DTNB: variants seen among roughly 807,000 people sequenced by gnomAD.
DTNB encodes dystrobrevin beta, also known as DTN-B.
In DTNB, 63 loss-of-function variants were observed where a neutral mutation model predicts 90.7. The ratio of observed to expected loss-of-function variants is 0.69; its 90% CI spans 0.57 to 0.86. The LOEUF (loss-of-function observed/expected upper bound fraction) is 0.86. Ranked by LOEUF, DTNB falls within the 40% of genes least tolerant of loss-of-function variation. DTNB has a pLI of 0.00. For synonymous variants in DTNB, 277 were observed against 286.7 expected (o/e 0.97, Z 0.34); for missense variants, 744 against 807.1 (o/e 0.92, Z 0.95).
chr2:25,475,843 C>T (rs754515825), intron 10 of DTNB, among the ~76,000 whole-genome samples: 2 of 152,080 alleles, frequency 1.3e-5, no homozygotes, highest in Admixed American at 6.5e-5. Context: ...GAATAAAGCC[C>T]GGATGACAGC....
At chr2:25,522,690 C>A (rs1383122705) in intron 9 of DTNB, among the ~76,000 whole-genome samples, 1 of 149,116 alleles carries the variant, frequency 6.7e-6, no homozygotes, top group Non-Finnish European at 1.5e-5. Context: ...TACAGAAAGG[C>A]AAACTGAGGT....
intron 12 of DTNB, among the ~76,000 whole-genome samples, chr2:25,446,506 T>C (rs570522365): frequency 1.2e-4 from 18 of 152,314 alleles, no homozygotes; most frequent in African/African-American, 4.3e-4. Context: ...TCTGCCCACC[T>C]TGGCCTCCCA....
At chr2:25,561,925 C>A (rs1030039194) in intron 8 of DTNB, among the ~76,000 whole-genome samples, 2 of 152,130 alleles carry the variant, frequency 1.3e-5, no homozygotes, top group Non-Finnish European at 2.9e-5. Flanking sequence ...TATTCATATG[C>A]CATAAAATTC....
At chr2:25,455,638 T>C (rs2059911566) in intron 10 of DTNB, 144 bp from the exon 11 acceptor site, 2 of 666,734 alleles carry the variant, frequency 3.0e-6, no homozygotes, top group Admixed American at 2.8e-5. Flanking sequence ...AAACCCACAA[T>C]GCATAATGGA....
chr2:25,654,210 C>T (rs2081608469), intron 1 of DTNB, among the ~76,000 whole-genome samples: 1 of 152,214 alleles, frequency 6.6e-6, no homozygotes, highest in Non-Finnish European at 1.5e-5. Context: ...AATATAACTC[C>T]CTGCTCACAA....
intron 3 of DTNB, among the ~76,000 whole-genome samples, chr2:25,630,681 C>T (rs1044656155): frequency 1.3e-5 from 2 of 151,794 alleles, no homozygotes; most frequent in Non-Finnish European, 2.9e-5. Context: ...CCCATCTCTA[C>T]TAAAAATACA....
intron 9 of DTNB, among the ~76,000 whole-genome samples, chr2:25,507,590 T>C (rs959017779): frequency 1.3e-5 from 2 of 152,202 alleles, no homozygotes; most frequent in Non-Finnish European, 2.9e-5. Flanking sequence ...TCACCTCTTA[T>C]TACCTCTACT....
chr2:25,663,490 A>G (rs891646576), intron 1 of DTNB, among the ~76,000 whole-genome samples: 3 of 152,178 alleles, frequency 2.0e-5, no homozygotes, highest in Non-Finnish European at 4.4e-5. Flanking sequence ...TCCCCACACC[A>G]TCTTCCACAA....
chr2:25,623,183 T>C (rs959060518), intron 4 of DTNB, among the ~76,000 whole-genome samples: 1 of 152,144 alleles, frequency 6.6e-6, no homozygotes, highest in African/African-American at 2.4e-5. Flanking sequence ...CAACTCTTCC[T>C]CTGAGCAAAA....
chr2:25,531,452 C>A (rs2078159384), intron 9 of DTNB, 21 bp downstream of exon 9: 1 of 1,600,862 alleles, frequency 6.2e-7, no homozygotes. Flanking sequence ...GATCCACATG[C>A]ACATCCAGGG....
intron 6 of DTNB, among the ~76,000 whole-genome samples, chr2:25,591,244 T>C (rs2063518199): frequency 6.6e-6 from 1 of 152,216 alleles, no homozygotes. Context: ...ATGCCTGGTC[T>C]GCAGCCATGG....
chr2:25,453,873 C>A (rs767278087), intron 11 of DTNB, among the ~76,000 whole-genome samples: 3 of 152,136 alleles, frequency 2.0e-5, no homozygotes, highest in Admixed American at 2.0e-4. Flanking sequence ...CTCAGCCGGG[C>A]GTAGTGGCTC....
intron 9 of DTNB, among the ~76,000 whole-genome samples, chr2:25,493,371 C>G (rs189912440): frequency 6.6e-6 from 1 of 152,326 alleles, no homozygotes; most frequent in East Asian, 1.9e-4. Context: ...TCCCTACTCA[C>G]TTGAATCAGA....
intron 1 of DTNB, among the ~76,000 whole-genome samples, chr2:25,665,461 A>G: frequency 6.6e-6 from 1 of 152,238 alleles, no homozygotes; most frequent in Non-Finnish European, 1.5e-5. Context: ...CCAGTCTCTA[A>G]TAAAAATAGA....
chr2:25,445,920 G>GTTTTTTTTTTTTTTTTTTTTTTTTTT (rs11453188), intron 12 of DTNB, among the ~76,000 whole-genome samples: 1 of 137,088 alleles, frequency 7.3e-6, no homozygotes. Flanking sequence ...ACCCTGGGTA[G>GTTTTTTTTTTTTTTTTTTTTTTTTTT]TTTTTTTTTT....
At position 25,411,827 on chromosome 2, in the gene DTNB, T is replaced by C. The variant is rs532121411; in HGVS notation, c.1575+7688A>G. On this transcript the variant is annotated intron_variant, in intron 16 of 20. Transcript: ENST00000406818. ...GGCCAGGCTCACTGTCTTGAACATA[T>C]ATAGTAAAACACCGCTAAATAAATA... Among the ~76,000 whole-genome samples, 42 of 152,338 alleles carry C rather than the reference T, an allele frequency of 2.8e-4. No individual in the cohort carries two copies. In the South Asian group the frequency reaches 8.3e-3, roughly 30 times the overall value.
In DTNB at chr2:25,453,923, G is replaced by A. The variant is rs182123422; in HGVS notation, c.1169+1482C>T. On this transcript the variant is annotated intron_variant, in intron 11 of 20. Transcript: ENST00000406818. ...AGCACTTTGGGAGGCTGAGGCCGGC[G>A]GATCACGAGGTCAGGAGATCGGGAC... Among the ~76,000 whole-genome samples the A allele has an allele frequency of 1.3e-4, 20 of 152,240 alleles. 1 individual carries two copies. The East Asian group carries it at 3.1e-3, about 24-fold the overall frequency.
intron 9 of DTNB, among the ~76,000 whole-genome samples, chr2:25,518,475 C>T (rs2075547609): frequency 6.6e-6 from 1 of 152,088 alleles, no homozygotes; most frequent in Non-Finnish European, 1.5e-5. Context: ...TTACTGTTCA[C>T]ATAAGCATCC....
chr2:25,391,300 C>T (rs2041047749), intron 16 of DTNB, among the ~76,000 whole-genome samples: 1 of 152,096 alleles, frequency 6.6e-6, no homozygotes, highest in South Asian at 2.1e-4. Flanking sequence ...TTGAAGAATA[C>T]CATCAAGAAA....
Sources: gnomAD v4.1 joint callset for allele counts (sites outside exome capture counted in the v4.1 genomes callset) on GRCh38, gnomAD v4.1.1 for gene constraint, MANE v1.5 for transcripts, NCBI Gene and HGNC (gene_info 2026-07-23, HGNC 2026-07-21) for gene names.